The following DPP10 variants were observed in gnomAD, a reference collection of about 807,000 sequenced individuals.
The protein encoded by DPP10 is dipeptidyl peptidase like 10.
A neutral mutation model predicts 120.9 loss-of-function variants in DPP10; 33 were observed. The ratio of observed to expected loss-of-function variants is 0.27; its 90% CI spans 0.21 to 0.37. The LOEUF (loss-of-function observed/expected upper bound fraction) is 0.37, where lower values mean the gene tolerates loss of function less well. Ranked by LOEUF, DPP10 falls within the 10% of genes least tolerant of loss-of-function variation. The pLI, the probability that DPP10 is intolerant of heterozygous loss-of-function variation, is 1.00. For synonymous variants in DPP10, 337 were observed against 326.1 expected (o/e 1.03, Z -0.36); for missense variants, 816 against 942.8 (o/e 0.87, Z 1.76).
chr2:115,442,318 C>A (rs2072145870), intron 3 of DPP10, among the ~76,000 whole-genome samples: 1 of 151,712 alleles, frequency 6.6e-6, no homozygotes, highest in South Asian at 2.1e-4. Flanking sequence ...TGCTCCTACC[C>A]CTTGTCACCA....
Position 114,633,248 on chromosome 2 carries a change from CTTTTTTTTTTTTT to C in DPP10, c.60+190421_60+190433del, listed in dbSNP as rs35372708. On this transcript the variant is annotated intron_variant, in intron 1 of 25. Coordinates refer to ENST00000410059, the MANE Select transcript of DPP10 (RefSeq NM_020868.6). Reference sequence around the variant, plus strand: ...ATTTATTTCATATTGGTTTTTCTTTCTTTTTTTTTTTTTTTTTTTTTTTGACAGAGTCTCGCTC... The same window carrying C: ...ATTTATTTCATATTGGTTTTTCTTTCTTTTTTTTTTGACAGAGTCTCGCTC... Among the ~76,000 whole-genome samples the C allele has an allele frequency of 3.2e-4, 23 of 72,810 alleles. 1 individual carries two copies. The highest frequency in any genetic ancestry group is 2.2e-3 in the Admixed American group (13 of 6,024). 47.8% of individuals were successfully genotyped at this position (72,810 alleles called of 152,430 possible).
chr2:115,046,536 C>T (rs1046569811), intron 1 of DPP10, among the ~76,000 whole-genome samples: 15 of 151,984 alleles, frequency 9.9e-5, no homozygotes, highest in Non-Finnish European at 5.9e-5. Context: ...TGAAGTTGTC[C>T]CAAATAAGAG....
At chr2:115,816,850 C>G (rs1451193083) in intron 21 of DPP10, among the ~76,000 whole-genome samples, 1 of 150,248 alleles carries the variant, frequency 6.7e-6, no homozygotes, top group African/African-American at 2.4e-5. Context: ...CTCTTGACCT[C>G]GTGATCCGCC....
At chr2:115,241,790 T>A (rs1236325307) in intron 1 of DPP10, among the ~76,000 whole-genome samples, 2 of 152,250 alleles carry the variant, frequency 1.3e-5, no homozygotes, top group African/African-American at 4.8e-5. Flanking sequence ...GCTAATTGTT[T>A]TACTTTGGTC....
intron 1 of DPP10, among the ~76,000 whole-genome samples, chr2:115,103,362 G>A (rs1262097352): frequency 1.3e-5 from 2 of 151,884 alleles, no homozygotes; most frequent in Admixed American, 6.6e-5. Flanking sequence ...TAATTTTTTT[G>A]TACTTTTAGT....
intron 1 of DPP10, among the ~76,000 whole-genome samples, chr2:115,056,231 T>G (rs1705897417): frequency 6.6e-6 from 1 of 152,076 alleles, no homozygotes; most frequent in African/African-American, 2.4e-5. Context: ...GCAGAAAATA[T>G]ATATGAGTCA....
At chr2:115,434,139 T>C (rs1023573711) in intron 3 of DPP10, among the ~76,000 whole-genome samples, 1 of 151,922 alleles carries the variant, frequency 6.6e-6, no homozygotes, top group African/African-American at 2.4e-5. Context: ...ATTTACACAT[T>C]AGACAGCAAA....
intron 1 of DPP10, among the ~76,000 whole-genome samples, chr2:114,548,769 C>T (rs1687629108): frequency 2.0e-5 from 3 of 152,218 alleles, no homozygotes; most frequent in Non-Finnish European, 4.4e-5. Context: ...GACATCCTTT[C>T]TCTCCACGCC....
intron 3 of DPP10, among the ~76,000 whole-genome samples, chr2:115,398,925 T>G (rs2104462513): frequency 1.3e-5 from 2 of 152,322 alleles, no homozygotes; most frequent in Middle Eastern, 6.8e-3. Flanking sequence ...CAAGCCTGCC[T>G]CAATAACCCA....
intron 11 of DPP10, among the ~76,000 whole-genome samples, chr2:115,755,193 A>G (rs1043767003): frequency 3.3e-5 from 5 of 152,124 alleles, no homozygotes; most frequent in African/African-American, 1.2e-4. Context: ...GCATTTATAC[A>G]ATAACAAAGT....
intron 5 of DPP10, among the ~76,000 whole-genome samples, chr2:115,534,554 A>G (rs1212744617): frequency 6.6e-6 from 1 of 152,054 alleles, no homozygotes; most frequent in African/African-American, 2.4e-5. Context: ...TATTTTGAAT[A>G]ATGCCGCAAT....
At chr2:115,394,778 TC>T (rs1220894125) in intron 3 of DPP10, among the ~76,000 whole-genome samples, 2 of 152,178 alleles carry the variant, frequency 1.3e-5, no homozygotes, top group African/African-American at 4.8e-5. Context: ...GCCACGTATT[TC>T]TCTGTTTATA....
intron 12 of DPP10, among the ~76,000 whole-genome samples, chr2:115,764,359 G>A (rs1680472592): frequency 6.6e-6 from 1 of 152,016 alleles, no homozygotes; most frequent in African/African-American, 2.4e-5. Context: ...ACGAGTATAT[G>A]TGTCTTTGCA....
chr2:114,602,584 G>A, intron 1 of DPP10, among the ~76,000 whole-genome samples: 1 of 151,912 alleles, frequency 6.6e-6, no homozygotes, highest in East Asian at 1.9e-4. Context: ...ATTAATCTTT[G>A]TGTCACCACA....
intron 2 of DPP10, among the ~76,000 whole-genome samples, chr2:115,312,184 G>A (rs1261789220): frequency 1.3e-5 from 2 of 152,190 alleles, no homozygotes; most frequent in South Asian, 4.1e-4. Context: ...TAATGCTGGA[G>A]TGGAAAAGGT....
intron 1 of DPP10, among the ~76,000 whole-genome samples, chr2:114,967,696 T>C (rs1395048548): frequency 2.0e-5 from 3 of 152,194 alleles, no homozygotes; most frequent in Non-Finnish European, 4.4e-5. Flanking sequence ...AGCTGCTTAT[T>C]GGTCGTGAGA....
At chr2:115,641,600 A>G (rs187080734) in intron 5 of DPP10, among the ~76,000 whole-genome samples, 198 of 152,176 alleles carry the variant, frequency 1.3e-3, no homozygotes, top group African/African-American at 4.4e-3. Flanking sequence ...TCTACTTATG[A>G]GTCTCTATGT....
At chr2:114,564,899 ATCT>A (rs1251120795) in intron 1 of DPP10, among the ~76,000 whole-genome samples, 1 of 152,188 alleles carries the variant, frequency 6.6e-6, no homozygotes, top group Non-Finnish European at 1.5e-5. Flanking sequence ...AGATTTAAAG[ATCT>A]TCACTCACCA....
At chr2:115,186,912 G>A (rs2054480982) in intron 1 of DPP10, among the ~76,000 whole-genome samples, 1 of 151,118 alleles carries the variant, frequency 6.6e-6, no homozygotes, top group Admixed American at 6.6e-5. Context: ...ATATGCTAGG[G>A]TACAGCCTCT....
Sources: gnomAD v4.1 joint callset for allele counts (sites outside exome capture counted in the v4.1 genomes callset) on GRCh38, gnomAD v4.1.1 for gene constraint, MANE v1.5 for transcripts, NCBI Gene and HGNC (gene_info 2026-07-23, HGNC 2026-07-21) for gene names.